RERE: variants seen among roughly 807,000 people sequenced by gnomAD.
The protein encoded by RERE is arginine-glutamic acid dipeptide repeats, also known as arginine-glutamic acid dipeptide repeats protein.
A neutral mutation model predicts 146.1 loss-of-function variants in RERE; 40 were observed. The observed-to-expected ratio is 0.27, with a 90% CI of 0.21 to 0.36. The LOEUF is 0.36. Among genes scored for constraint, RERE ranks in the 10% least tolerant of loss-of-function variants. RERE has a pLI of 1.00. For synonymous variants in RERE, 1,003 were observed against 866.0 expected, an observed-to-expected ratio of 1.16 and a Z score of -2.78; for missense variants, 1,933 against 2,138.7, an observed-to-expected ratio of 0.90 and a Z score of 1.90.
At chr1:8,374,660 C>T (rs1256710113) in intron 12 of RERE, among the ~76,000 whole-genome samples, 6 of 152,222 alleles carry the variant, frequency 3.9e-5, no homozygotes, top group Non-Finnish European at 8.8e-5. Context: ...CTTCTCCAAA[C>T]GGTCAAAGGT....
intron 7 of RERE, among the ~76,000 whole-genome samples, chr1:8,526,944 T>A (rs1645577863): frequency 6.6e-6 from 1 of 152,172 alleles, no homozygotes; most frequent in Non-Finnish European, 1.5e-5. Flanking sequence ...TGGAAGACCA[T>A]GAACCTCGCC....
intron 1 of RERE, among the ~76,000 whole-genome samples, chr1:8,808,991 A>G (rs563078314): frequency 2.6e-5 from 4 of 152,150 alleles, no homozygotes; most frequent in African/African-American, 9.6e-5. Context: ...ACAAAAAATT[A>G]GTCAGGCATG....
At chr1:8,649,510 A>C (rs530607588) in intron 2 of RERE, among the ~76,000 whole-genome samples, 1 of 152,222 alleles carries the variant, frequency 6.6e-6, no homozygotes, top group East Asian at 1.9e-4. Context: ...TGGGCAGATC[A>C]CTTGAGGTCA....
chr1:8,395,551 A>C (rs1643026435), intron 12 of RERE, among the ~76,000 whole-genome samples: 1 of 151,924 alleles, frequency 6.6e-6, no homozygotes, highest in Non-Finnish European at 1.5e-5. Context: ...CTGCTCAGCT[A>C]TGCAGGCACC....
chr1:8,764,809 C>T (rs1640818188), intron 1 of RERE, among the ~76,000 whole-genome samples: 1 of 152,228 alleles, frequency 6.6e-6, no homozygotes, highest in African/African-American at 2.4e-5. Flanking sequence ...TACCACTTCA[C>T]ACCCATCAGA....
At chr1:8,650,555 G>A (rs1431491082) in intron 2 of RERE, among the ~76,000 whole-genome samples, 14 of 152,132 alleles carry the variant, frequency 9.2e-5, no homozygotes, top group African/African-American at 2.9e-4. Flanking sequence ...CTGAGGTCAG[G>A]AGTTCGAGAC....
chr1:8,466,888 T>C (rs565646198), intron 10 of RERE, among the ~76,000 whole-genome samples: 2 of 152,340 alleles, frequency 1.3e-5, no homozygotes, highest in South Asian at 2.1e-4. Context: ...GAGTTCCAAC[T>C]TGCAGATAAT....
intron 7 of RERE, among the ~76,000 whole-genome samples, chr1:8,515,492 G>A (rs1167556545): frequency 1.3e-5 from 2 of 151,702 alleles, no homozygotes; most frequent in African/African-American, 4.8e-5. Flanking sequence ...TTAGCCGGGC[G>A]TGGTGGCAGG....
intron 4 of RERE, among the ~76,000 whole-genome samples, chr1:8,570,462 C>T (rs575349409): frequency 2.0e-5 from 3 of 152,092 alleles, no homozygotes; most frequent in East Asian, 1.9e-4. Context: ...ATTTTTAGAA[C>T]GAACATAATG....
chr1:8,441,796 A>G (rs539034187), intron 11 of RERE, among the ~76,000 whole-genome samples: 1 of 152,306 alleles, frequency 6.6e-6, no homozygotes, highest in East Asian at 1.9e-4. Flanking sequence ...ATGTTAAGCA[A>G]AAATGAAAAT....
At position 8,354,113 on chromosome 1, in the gene RERE, T is replaced by C. The variant is rs975472501; in HGVS notation, c.*974A>G. 1.1e-4 allele frequency: 17 copies of C among 152,494 alleles called. No individual in the cohort carries two copies. Among genetic ancestry groups the C allele is most frequent in the African/African-American group, 4.1e-4 (17 of 41,470 alleles). 9.4% of individuals were successfully genotyped at this position (152,494 alleles called of 1,614,324 possible). On this transcript the variant is annotated 3_prime_UTR_variant, in exon 23 of 23. Transcript: ENST00000400908. ...CAGAAATCTAGAAGGAAATCTACAATGGACACAGGCCCATGCGCTTTCCAT... is the reference window on the plus strand; with the variant it reads ...CAGAAATCTAGAAGGAAATCTACAACGGACACAGGCCCATGCGCTTTCCAT...
intron 7 of RERE, among the ~76,000 whole-genome samples, chr1:8,533,294 G>A (rs763186230): frequency 1.3e-5 from 2 of 152,178 alleles, no homozygotes; most frequent in Non-Finnish European, 2.9e-5. Context: ...TTACATGAGA[G>A]AGAAATGAAA....
Position 8,716,288 on chromosome 1 carries a change from T to G in RERE, c.-144-59847A>C, listed in dbSNP as rs1639763414. Among the ~76,000 whole-genome samples, 5 of 131,866 alleles carry G rather than the reference T, an allele frequency of 3.8e-5. No homozygotes were observed. The South Asian group carries it at 1.2e-3, about 32-fold the overall frequency. 86.5% of individuals were successfully genotyped at this position (131,866 alleles called of 152,430 possible). On this transcript the variant is annotated intron_variant, in intron 1 of 22. Coordinates refer to ENST00000400908, the MANE Select transcript of RERE (RefSeq NM_001042681.2). ...GTCCGGCCTAGGCAACACTGCAAGA[T>G]CTCATCTCTACAAAAAAAAAAAAAA...
chr1:8,365,998 T>C (rs1369581242), intron 12 of RERE, 24 bp from the exon 13 acceptor site: 1 of 1,610,132 alleles, frequency 6.2e-7, no homozygotes, highest in Admixed American at 1.7e-5. Context: ...GGGCTGACTG[T>C]GGGGGAGGGC....
chr1:8,382,409 A>AT (rs1228792945), intron 12 of RERE, among the ~76,000 whole-genome samples: 1 of 152,264 alleles, frequency 6.6e-6, no homozygotes, highest in Non-Finnish European at 1.5e-5. Context: ...ACGAAACTCA[A>AT]TTCGCAGCTT....
intron 1 of RERE, among the ~76,000 whole-genome samples, chr1:8,805,274 A>C (rs1320934031): frequency 1.3e-5 from 2 of 152,092 alleles, no homozygotes; most frequent in Non-Finnish European, 2.9e-5. Flanking sequence ...GCACTTTAGG[A>C]ATCCGAGGTG....
At chr1:8,779,739 T>C (rs2124558968) in intron 1 of RERE, among the ~76,000 whole-genome samples, 1 of 152,034 alleles carries the variant, frequency 6.6e-6, no homozygotes, top group East Asian at 1.9e-4. Flanking sequence ...CCTCAGTGCC[T>C]AGAACAATGA....
At chr1:8,741,649 C>T (rs1199057326) in intron 1 of RERE, among the ~76,000 whole-genome samples, 1 of 152,214 alleles carries the variant, frequency 6.6e-6, no homozygotes, top group Non-Finnish European at 1.5e-5. Flanking sequence ...CCTTCACCTT[C>T]CACCATGATT....
rs547118018 is a variant in RERE at position 8,516,059 on chromosome 1, C to T, written c.831-7384G>A. On this transcript the variant is annotated intron_variant, in intron 7 of 22. Coordinates refer to ENST00000400908, the MANE Select transcript of RERE (RefSeq NM_001042681.2). ...TGGAGAAGCCCCACCCCTAAAAATACAAAATTAGCCAAGCGTGGTAGTGGG... is the reference window on the plus strand; with the variant it reads ...TGGAGAAGCCCCACCCCTAAAAATATAAAATTAGCCAAGCGTGGTAGTGGG... Among the ~76,000 whole-genome samples the T allele has an allele frequency of 1.1e-4, 16 of 151,304 alleles. No homozygotes were observed. The South Asian group carries it at 3.3e-3, about 32-fold the overall frequency.
Sources: allele counts gnomAD v4.1 joint callset (sites outside exome capture counted in the v4.1 genomes callset), GRCh38; gene constraint gnomAD v4.1.1; transcripts MANE v1.5; gene names NCBI Gene and HGNC (gene_info 2026-07-23, HGNC 2026-07-21).